The following C12orf42 variants were observed in gnomAD, a reference collection of about 807,000 sequenced individuals.
C12orf42 encodes uncharacterized protein C12orf42.
Under a neutral mutation model 21.6 loss-of-function variants are expected in C12orf42, and 25 were observed. The observed-to-expected ratio is 1.16, with a 90% CI of 0.84 to 1.62. C12orf42 has a LOEUF of 1.62. Ranked by LOEUF, C12orf42 falls within the 40% of genes most tolerant of loss-of-function variation. The pLI is 0.00. For synonymous variants in C12orf42, 174 were observed against 175.0 expected (o/e 0.99, Z 0.05); for missense variants, 483 against 459.3 (o/e 1.05, Z -0.47).
chr12:103,368,166 A>G, intron 4 of C12orf42: 1 of 663,174 alleles, frequency 1.5e-6, no homozygotes, highest in Non-Finnish European at 2.4e-6. Context: ...TGACAATGTT[A>G]TGGGGAATAT....
rs531563953 is a variant in C12orf42, at chr12:103,302,698, C to T, written c.632-139G>A. The T allele has an allele frequency of 2.1e-5, 14 of 656,578 alleles. No individual in the cohort carries two copies. The African/African-American group carries it at 2.3e-4, about 11-fold the overall frequency. The allele number at this position is 656,578 out of a possible 1,614,324, so 40.7% of individuals were successfully genotyped here. ...GGGGAAAGAAAAAAAAAAAAAAACC[C>T]TGACATGATCCTCACCTGCCTCCCC... On this transcript the variant is annotated intron_variant, in intron 5 of 5. Transcript: ENST00000548883.
intron 1 of C12orf42, among the ~76,000 whole-genome samples, chr12:103,493,676 G>A (rs892978253): frequency 6.7e-6 from 1 of 149,072 alleles, no homozygotes; most frequent in Non-Finnish European, 1.5e-5. Context: ...ATTGGTGGAG[G>A]GGAAACTACA....
the C12orf42 span, among the ~76,000 whole-genome samples, chr12:103,122,494 T>G: frequency 6.6e-6 from 1 of 152,022 alleles, no homozygotes; most frequent in Non-Finnish European, 1.5e-5. Context: ...CAGACAGAAA[T>G]GAAACAAGGA....
chr12:103,482,074 G>A (rs867794862), intron 1 of C12orf42, among the ~76,000 whole-genome samples: 1 of 151,942 alleles, frequency 6.6e-6, no homozygotes, highest in Non-Finnish European at 1.5e-5. Flanking sequence ...TCCCCCACAA[G>A]TTAGACGTCA....
the C12orf42 span, among the ~76,000 whole-genome samples, chr12:103,131,901 T>A: frequency 6.6e-6 from 1 of 152,068 alleles, no homozygotes; most frequent in Non-Finnish European, 1.5e-5. Context: ...ATGTTACTGA[T>A]GGTAGTGGTA....
rs190685889 is a variant in C12orf42, at chr12:103,449,025, C to T, written c.78+29324G>A. Among the ~76,000 whole-genome samples, 347 of 151,542 alleles carry T rather than the reference C, an allele frequency of 2.3e-3. 4 individuals are homozygous for T. Among genetic ancestry groups the T allele is most frequent in the African/African-American group, 8.0e-3 (329 of 41,256 alleles). Reference sequence around the variant, plus strand: ...TTTATAGCAGCACAATTTGCAATTGCAAAAATACAGAAGCAGCCCAAATGC... The same window carrying T: ...TTTATAGCAGCACAATTTGCAATTGTAAAAATACAGAAGCAGCCCAAATGC... On this transcript the variant is annotated intron_variant, in intron 2 of 5. Transcript: ENST00000548883.
chr12:103,489,086 A>C (rs1373643633), intron 1 of C12orf42, among the ~76,000 whole-genome samples: 1 of 152,172 alleles, frequency 6.6e-6, no homozygotes, highest in Admixed American at 6.5e-5. Context: ...TTGTGGTTTT[A>C]GCTACCTTTT....
chr12:103,148,159 G>T, the C12orf42 span, among the ~76,000 whole-genome samples: 2 of 152,100 alleles, frequency 1.3e-5, no homozygotes, highest in Non-Finnish European at 2.9e-5. Flanking sequence ...TCTGGAATTG[G>T]ATCCTCACTG....
chr12:103,229,343 C>G, the C12orf42 span, among the ~76,000 whole-genome samples: 1 of 152,146 alleles, frequency 6.6e-6, no homozygotes, highest in African/African-American at 2.4e-5. Flanking sequence ...AGGCTCCAGG[C>G]AGAGTATGAC....
At chr12:103,529,590 TAGTC>T in the C12orf42 span, among the ~76,000 whole-genome samples, 3 of 152,164 alleles carry the variant, frequency 2.0e-5, no homozygotes, top group Admixed American at 6.5e-5. Context: ...CAGCAGGAGA[TAGTC>T]AGGGATGGCG....
chr12:103,050,007 T>A, the C12orf42 span, among the ~76,000 whole-genome samples: 2 of 152,326 alleles, frequency 1.3e-5, no homozygotes, highest in East Asian at 3.9e-4. Flanking sequence ...TTGTTATCTG[T>A]TGCCCCCCGC....
At chr12:103,173,345 C>T in the C12orf42 span, among the ~76,000 whole-genome samples, 1 of 152,076 alleles carries the variant, frequency 6.6e-6, no homozygotes, top group Non-Finnish European at 1.5e-5. Flanking sequence ...ACACCCAATT[C>T]CCTATTTGGA....
chr12:103,476,220 C>T (rs905188355), intron 2 of C12orf42, among the ~76,000 whole-genome samples: 1 of 152,140 alleles, frequency 6.6e-6, no homozygotes, highest in African/African-American at 2.4e-5. Flanking sequence ...AGGTATTTGT[C>T]CTGCGGAAAA....
the C12orf42 span, among the ~76,000 whole-genome samples, chr12:103,148,203 G>T: frequency 4.6e-5 from 7 of 152,200 alleles, no homozygotes; most frequent in East Asian, 1.2e-3. Context: ...GTTTATGTGT[G>T]GGTCTACTAG....
the C12orf42 span, among the ~76,000 whole-genome samples, chr12:103,526,067 T>G: frequency 6.6e-6 from 1 of 152,218 alleles, no homozygotes; most frequent in Non-Finnish European, 1.5e-5. Context: ...CAGAGGCTGC[T>G]CTTTTAAGCA....
At chr12:103,295,002 T>C (rs1376949160) in intron 4 of C12orf42, among the ~76,000 whole-genome samples, 1 of 152,206 alleles carries the variant, frequency 6.6e-6, no homozygotes, top group Non-Finnish European at 1.5e-5. Flanking sequence ...CTCCCACTTA[T>C]GACTGAGAAC....
At chr12:103,192,792 T>C in the C12orf42 span, among the ~76,000 whole-genome samples, 100 of 152,222 alleles carry the variant, frequency 6.6e-4, no homozygotes, top group African/African-American at 2.4e-3. Context: ...AATACAATAA[T>C]AGCAAAAGAC....
chr12:103,122,209 T>C, the C12orf42 span, among the ~76,000 whole-genome samples: 1 of 152,304 alleles, frequency 6.6e-6, no homozygotes, highest in African/African-American at 2.4e-5. Flanking sequence ...CTCTTCTCTC[T>C]GCATGTTTCC....
At chr12:103,448,019 G>A (rs1376822873) in intron 2 of C12orf42, among the ~76,000 whole-genome samples, 1 of 151,922 alleles carries the variant, frequency 6.6e-6, no homozygotes, top group African/African-American at 2.4e-5. Context: ...AAATCTGGAG[G>A]CATCACATTA....
Sources: allele counts gnomAD v4.1 joint callset (sites outside exome capture counted in the v4.1 genomes callset), GRCh38; gene constraint gnomAD v4.1.1; transcripts MANE v1.5; gene names NCBI Gene and HGNC (gene_info 2026-07-23, HGNC 2026-07-21).